Variants in NUP98 observed in about 807,000 individuals in gnomAD.
The protein encoded by NUP98 is nucleoporin 98 and 96 precursor, also known as nuclear pore complex protein Nup98-Nup96.
In NUP98, 26 loss-of-function variants were observed where a neutral mutation model predicts 191.9. The observed-to-expected ratio is 0.14, with a 90% CI of 0.10 to 0.19. The LOEUF is 0.19. Among genes scored for constraint, NUP98 ranks in the 10% least tolerant of loss-of-function variants. The pLI is 1.00. For synonymous variants in NUP98, 808 were observed against 778.4 expected, an observed-to-expected ratio of 1.04 and a Z score of -0.63; for missense variants, 1,941 against 2,178.8, an observed-to-expected ratio of 0.89 and a Z score of 2.17.
intron 5 of NUP98, among the ~76,000 whole-genome samples, chr11:3,774,190 G>A (rs879490058): frequency 6.6e-6 from 1 of 151,098 alleles, no homozygotes; most frequent in Admixed American, 6.6e-5. Flanking sequence ...ATGAGGTCAG[G>A]AGTTCGAGAC....
At chr11:3,720,392 T>G (rs2079345739) in intron 17 of NUP98, among the ~76,000 whole-genome samples, 1 of 152,100 alleles carries the variant, frequency 6.6e-6, no homozygotes, top group African/African-American at 2.4e-5. Context: ...CAGGTATACC[T>G]AAGCCCAAAG....
At chr11:3,703,328 G>A (rs1298230745) in intron 22 of NUP98, among the ~76,000 whole-genome samples, 1 of 150,096 alleles carries the variant, frequency 6.7e-6, no homozygotes, top group Middle Eastern at 3.5e-3. Context: ...GCAATTCTCT[G>A]CCTCAGCCTC....
chr11:3,698,668 A>G (rs2078585540), intron 25 of NUP98, among the ~76,000 whole-genome samples: 1 of 143,664 alleles, frequency 7.0e-6, no homozygotes, highest in Non-Finnish European at 1.5e-5. Context: ...AGGAGGTTGC[A>G]GTGAGCCGAG....
At chr11:3,715,848 C>T (rs1456135338) in intron 18 of NUP98, among the ~76,000 whole-genome samples, 3 of 152,110 alleles carry the variant, frequency 2.0e-5, no homozygotes, top group African/African-American at 7.2e-5. Flanking sequence ...CTCAAGCAAT[C>T]CTCACTTCTC....
chr11:3,793,824 G>C (rs776923608), intron 1 of NUP98, among the ~76,000 whole-genome samples: 105 of 151,866 alleles, frequency 6.9e-4, no homozygotes, highest in Non-Finnish European at 2.6e-4. Context: ...TACAAAATTA[G>C]CTGGGTGTGG....
At chr11:3,678,311 C>T (rs564862742) in intron 31 of NUP98, among the ~76,000 whole-genome samples, 11 of 152,284 alleles carry the variant, frequency 7.2e-5, no homozygotes, top group Non-Finnish European at 1.2e-4. Flanking sequence ...CTCAAGATTA[C>T]ATAGCCAGTG....
At chr11:3,753,484 A>C in intron 10 of NUP98, 76 bp from the exon 11 acceptor site, 2 of 1,113,948 alleles carry the variant, frequency 1.8e-6, no homozygotes, top group Non-Finnish European at 2.7e-6. Context: ...GTTTAACACA[A>C]AGCAGTCTGA....
At chr11:3,694,177 G>C (rs1057241546) in intron 26 of NUP98, among the ~76,000 whole-genome samples, 1 of 151,770 alleles carries the variant, frequency 6.6e-6, no homozygotes, top group Non-Finnish European at 1.5e-5. Flanking sequence ...TTTGGGACTG[G>C]CCTGGCCAAC....
chr11:3,676,128 G>T lies in NUP98; in HGVS notation c.*31C>A. The T allele has an allele frequency of 6.3e-7, 1 of 1,594,662 alleles. No homozygotes were observed. Among genetic ancestry groups the T allele is most frequent in the Non-Finnish European group, 8.6e-7 (1 of 1,165,426 alleles). ...GGGAACCTCTGTGTGGTGTGAATGGGCATGTGACTGTGATGCAAAGTGCCT... is the reference window on the plus strand; with the variant it reads ...GGGAACCTCTGTGTGGTGTGAATGGTCATGTGACTGTGATGCAAAGTGCCT... On this transcript the variant is annotated 3_prime_UTR_variant, in exon 33 of 33. Transcript: ENST00000324932.
rs916268649 is a variant in NUP98 at position 3,797,530 on chromosome 11, C to G, written c.-159G>C. On this transcript the variant is annotated 5_prime_UTR_variant, in exon 1 of 33. Coordinates refer to ENST00000324932, the MANE Select transcript of NUP98 (RefSeq NM_016320.5). ...CCCTGCCACCGACCGCCGCTTCGGGCGCAGCGCGCAGAGGGCCCGACTGCG... is the reference window on the plus strand; with the variant it reads ...CCCTGCCACCGACCGCCGCTTCGGGGGCAGCGCGCAGAGGGCCCGACTGCG... 3 of 443,004 alleles carry G rather than the reference C, an allele frequency of 6.8e-6. No homozygotes were observed. Among genetic ancestry groups the G allele is most frequent in the Admixed American group, 4.4e-5 (1 of 22,902 alleles). The allele number at this position is 443,004 out of a possible 1,614,324, so 27.4% of individuals were successfully genotyped here.
intron 12 of NUP98, among the ~76,000 whole-genome samples, chr11:3,743,122 G>A (rs952955379): frequency 1.3e-5 from 2 of 151,672 alleles, no homozygotes; most frequent in East Asian, 2.0e-4. Context: ...GGGTCCAAGC[G>A]ATTCTCCTGC....
intron 14 of NUP98, among the ~76,000 whole-genome samples, chr11:3,727,668 C>T (rs1188218210): frequency 5.9e-5 from 9 of 151,918 alleles, no homozygotes; most frequent in Non-Finnish European, 5.9e-5. Context: ...TCAAGACAAG[C>T]CTGAGTAACA....
In NUP98 at chr11:3,683,420, T is replaced by A. The variant is rs773568462; in HGVS notation, c.4698A>T (p.Arg1566=). Residue 1566 remains arginine, a synonymous_variant, in exon 30 of 33, where the codon CGA becomes CGT. Transcript: ENST00000324932. ...GCTGGCAGTGCCGGGTAAGCAGCTCTCGAACAGCCTTCTCACGTATGCTAC... is the reference window on the plus strand; with the variant it reads ...GCTGGCAGTGCCGGGTAAGCAGCTCACGAACAGCCTTCTCACGTATGCTAC... ...DNSGIREKAV[R]ELLTRHCQLL... is the part of the protein sequence containing the mutation. 3.1e-6 allele frequency: 5 copies of A among 1,614,166 alleles called. No homozygotes were observed. The highest frequency in any genetic ancestry group is 4.2e-6 in the Non-Finnish European group (5 of 1,180,030).
intron 12 of NUP98, among the ~76,000 whole-genome samples, chr11:3,741,191 C>T (rs1408398249): frequency 1.3e-5 from 2 of 151,878 alleles, no homozygotes; most frequent in Non-Finnish European, 2.9e-5. Flanking sequence ...AAAAATCATC[C>T]TGAAAATCCA....
intron 13 of NUP98, among the ~76,000 whole-genome samples, chr11:3,733,118 T>C (rs1194543572): frequency 6.6e-6 from 1 of 152,222 alleles, no homozygotes; most frequent in Non-Finnish European, 1.5e-5. Context: ...ATTTACAAGG[T>C]TGTGCAACCA....
chr11:3,682,019 C>G (rs1420121464), intron 30 of NUP98, among the ~76,000 whole-genome samples: 3 of 152,222 alleles, frequency 2.0e-5, no homozygotes, highest in Non-Finnish European at 4.4e-5. Flanking sequence ...TCAGCACTTC[C>G]TGCTTCACCT....
intron 14 of NUP98, among the ~76,000 whole-genome samples, chr11:3,728,144 T>C (rs80085298): frequency 2.2e-3 from 337 of 152,276 alleles, no homozygotes; most frequent in African/African-American, 4.9e-3. Flanking sequence ...AAGGGAACAA[T>C]TGGGGCAAAG....
At chr11:3,761,062 A>G (rs949712881) in intron 9 of NUP98, among the ~76,000 whole-genome samples, 1 of 152,242 alleles carries the variant, frequency 6.6e-6, no homozygotes, top group Non-Finnish European at 1.5e-5. Flanking sequence ...AAAGACATCA[A>G]TCACAAAAGA....
At chr11:3,766,829 G>T (rs547212911) in intron 8 of NUP98, among the ~76,000 whole-genome samples, 2 of 151,942 alleles carry the variant, frequency 1.3e-5, no homozygotes, top group Admixed American at 1.3e-4. Context: ...TGTTTTTTCT[G>T]TATTTACAAA....
Sources: allele counts gnomAD v4.1 joint callset (sites outside exome capture counted in the v4.1 genomes callset), GRCh38; gene constraint gnomAD v4.1.1; transcripts MANE v1.5; gene names NCBI Gene and HGNC (gene_info 2026-07-23, HGNC 2026-07-21).